Variants in EMSY observed in about 807,000 individuals in gnomAD.
EMSY encodes EMSY transcriptional repressor, BRCA2 interacting.
A neutral mutation model predicts 134.6 loss-of-function variants in EMSY; 26 were observed. The observed-to-expected ratio is 0.19, with a 90% confidence interval of 0.14 to 0.27. The LOEUF is 0.27. Ranked by LOEUF, EMSY falls within the 10% of genes least tolerant of loss-of-function variation. The probability of loss-of-function intolerance (pLI) is 1.00; values close to 1 mark genes in which losing one functional copy is unlikely to be tolerated. For missense variants in EMSY, 1,305 were observed against 1,611.4 expected (o/e 0.81, Z 3.26); for synonymous variants, 579 against 577.8 (o/e 1.00, Z -0.03).
At chr11:76,527,925 T>A (rs1950900641) in intron 13 of EMSY, among the ~76,000 whole-genome samples, 1 of 152,124 alleles carries the variant, frequency 6.6e-6, no homozygotes, top group South Asian at 2.1e-4. Flanking sequence ...CTAGACTCCT[T>A]GTGTCTTTTT....
chr11:76,455,307 T>G (rs1947825519), intron 4 of EMSY, among the ~76,000 whole-genome samples: 1 of 152,148 alleles, frequency 6.6e-6, no homozygotes, highest in African/African-American at 2.4e-5. Flanking sequence ...TATTCTTGTT[T>G]TAATATATTA....
At chr11:76,446,992 A>T in exon 2 of EMSY, 1 of 1,613,576 alleles carries the variant, frequency 6.2e-7, no homozygotes, top group Non-Finnish European at 8.5e-7. Flanking sequence ...AATGCAAAAG[A>T]ATTCTTCGAA....
chr11:76,544,599 A>T (rs1300821816), exon 19 of EMSY: 1 of 1,613,970 alleles, frequency 6.2e-7, no homozygotes, highest in Non-Finnish European at 8.5e-7. Context: ...CCCAAGCCAG[A>T]TGTACAGCAC....
At chr11:76,456,371 C>T (rs1284131323) in intron 4 of EMSY, among the ~76,000 whole-genome samples, 1 of 152,108 alleles carries the variant, frequency 6.6e-6, no homozygotes, top group African/African-American at 2.4e-5. Flanking sequence ...TTTTCAGTAG[C>T]ATATGTTCAT....
intron 9 of EMSY, among the ~76,000 whole-genome samples, chr11:76,508,808 G>A (rs1284006303): frequency 1.3e-5 from 2 of 152,076 alleles, no homozygotes; most frequent in African/African-American, 2.4e-5. Context: ...TCCTTAAACC[G>A]CATGAACCAA....
At chr11:76,490,582 T>G (rs1399150539) in intron 8 of EMSY, among the ~76,000 whole-genome samples, 1 of 152,226 alleles carries the variant, frequency 6.6e-6, no homozygotes, top group Non-Finnish European at 1.5e-5. Context: ...CCTCTCTCCC[T>G]TCCTTGTGCT....
At chr11:76,450,794 A>ATTTTTT (rs34212263) in intron 2 of EMSY, among the ~76,000 whole-genome samples, 2 of 135,934 alleles carry the variant, frequency 1.5e-5, no homozygotes, top group East Asian at 4.3e-4. Flanking sequence ...GCCTGGCCAG[A>ATTTTTT]TTTTTTTTTT....
In EMSY at chr11:76,531,557, G is replaced by T. The variant is rs181528845; in HGVS notation, c.2194+3091G>T. ...TCAGTTTTATCAGGAGAAACATGATGTCAGTTTGTCCCAGCATAGATGATG... is the reference window on the plus strand; with the variant it reads ...TCAGTTTTATCAGGAGAAACATGATTTCAGTTTGTCCCAGCATAGATGATG... On this transcript the variant is annotated intron_variant, in intron 14 of 20. Transcript: ENST00000334736. 3.4e-3 allele frequency among the ~76,000 whole-genome samples: 522 copies of T among 152,262 alleles called. 3 individuals are homozygous for T. Among genetic ancestry groups the T allele is most frequent in the Admixed American group, 0.012 (182 of 15,294 alleles).
chr11:76,482,700 A>G (rs1028937311), intron 8 of EMSY, among the ~76,000 whole-genome samples: 1 of 152,122 alleles, frequency 6.6e-6, no homozygotes, highest in Non-Finnish European at 1.5e-5. Context: ...AAGATTAGAG[A>G]AAAAAAGGAT....
intron 16 of EMSY, among the ~76,000 whole-genome samples, 182 bp downstream of exon 17, chr11:76,538,132 A>G (rs183442280): frequency 1.1e-3 from 165 of 152,232 alleles, no homozygotes; most frequent in Non-Finnish European, 1.8e-3. Context: ...AAAAAATAGG[A>G]TGTTATGAAG....
intron 8 of EMSY, among the ~76,000 whole-genome samples, chr11:76,480,871 C>G (rs1266083756): frequency 6.6e-6 from 1 of 152,214 alleles, no homozygotes; most frequent in Non-Finnish European, 1.5e-5. Context: ...CTGTGAGGGA[C>G]AGTGCATTCA....
At chr11:76,546,246 G>A (rs2136834901) in exon 20 of EMSY, 1 of 1,613,930 alleles carries the variant, frequency 6.2e-7, no homozygotes, top group Non-Finnish European at 8.5e-7. Context: ...TGCGTATTCA[G>A]AATGTAGGCC....
chr11:76,530,408 G>T (rs891430893), intron 14 of EMSY, among the ~76,000 whole-genome samples: 1 of 151,940 alleles, frequency 6.6e-6, no homozygotes, highest in African/African-American at 2.4e-5. Context: ...TAATCCACCC[G>T]CCTCGGCCTC....
intron 2 of EMSY, among the ~76,000 whole-genome samples, chr11:76,451,278 C>T (rs891880676): frequency 7.2e-4 from 109 of 152,236 alleles, no homozygotes; most frequent in Middle Eastern, 3.4e-3. Flanking sequence ...AGGGTACCTA[C>T]AAAGTCCCTT....
At chr11:76,482,048 A>G (rs560677450) in intron 8 of EMSY, among the ~76,000 whole-genome samples, 97 of 152,308 alleles carry the variant, frequency 6.4e-4, no homozygotes, top group African/African-American at 2.3e-3. Context: ...CTCCAGGGGA[A>G]GGAACAGGCA....
chr11:76,457,176 C>A lies in EMSY; in HGVS notation c.246-1007C>A, dbSNP rs185044144. The stretch of plus-strand genomic sequence containing the variant: ...TTAGCATTATCATTTTTCCACTGCC[C>A]ACTAACAAGGGCTTTATACTCTTAT... On this transcript the variant is annotated intron_variant, in intron 4 of 20. Transcript: ENST00000334736. Among the ~76,000 whole-genome samples, 865 of 152,162 alleles carry A rather than the reference C, an allele frequency of 5.7e-3. 4 individuals are homozygous for A. The highest frequency in any genetic ancestry group is 0.01 in the Middle Eastern group (3 of 292).
At chr11:76,448,503 TG>T (rs1411079802) in intron 2 of EMSY, among the ~76,000 whole-genome samples, 2 of 152,136 alleles carry the variant, frequency 1.3e-5, no homozygotes, top group Admixed American at 1.3e-4. Context: ...TTTCTGGGCT[TG>T]GGGGCCTTTG....
At chr11:76,537,671 A>T in intron 15 of EMSY, 124 bp from the exon 17 acceptor site, 1 of 790,878 alleles carries the variant, frequency 1.3e-6, no homozygotes, top group Non-Finnish European at 2.0e-6. Context: ...TTTTCAATTC[A>T]CTGTCTACTT....
chr11:76,470,955 A>T (rs1344674979), intron 7 of EMSY, among the ~76,000 whole-genome samples: 4 of 152,066 alleles, frequency 2.6e-5, no homozygotes, highest in African/African-American at 9.7e-5. Flanking sequence ...ACAGTTTTCT[A>T]GTTATACTGG....
Sources: gnomAD v4.1 joint callset for allele counts (sites outside exome capture counted in the v4.1 genomes callset) on GRCh38, gnomAD v4.1.1 for gene constraint, MANE v1.5 for transcripts, NCBI Gene and HGNC (gene_info 2026-07-23, HGNC 2026-07-21) for gene names.